MS4A6E: variants seen among roughly 807,000 people sequenced by gnomAD.
The protein encoded by MS4A6E is membrane spanning 4-domains A6E.
In MS4A6E, 8 loss-of-function variants were observed where a neutral mutation model predicts 13.2. That is an observed-to-expected ratio of 0.60 (90% confidence interval 0.35 to 1.09). The LOEUF (loss-of-function observed/expected upper bound fraction) is 1.09. Ranked by LOEUF, MS4A6E falls within the 50% of genes least tolerant of loss-of-function variation. The pLI, the probability that MS4A6E is intolerant of heterozygous loss-of-function variation, is 0.02. For missense variants in MS4A6E, 177 were observed against 171.1 expected (o/e 1.03, Z -0.19); for synonymous variants, 72 against 67.6 (o/e 1.06, Z -0.32).
downstream of MS4A6E, among the ~76,000 whole-genome samples, chr11:60,344,221 A>C (rs1450989748): frequency 6.6e-6 from 1 of 152,234 alleles, no homozygotes; most frequent in Admixed American, 6.5e-5. Flanking sequence ...GAGTTATTTC[A>C]TTAACTAACA....
chr11:60,343,502 A>C (rs1174258729), downstream of MS4A6E, among the ~76,000 whole-genome samples: 1 of 152,158 alleles, frequency 6.6e-6, no homozygotes, highest in African/African-American at 2.4e-5. Context: ...CAATTCCCGG[A>C]AAGGTGGTGT....
At chr11:60,330,011 G>A (rs1231061781) in intron 1 of MS4A6E, among the ~76,000 whole-genome samples, 1 of 147,642 alleles carries the variant, frequency 6.8e-6, no homozygotes, top group Non-Finnish European at 1.5e-5. Flanking sequence ...ATTTTTAGTA[G>A]AGATGGGGTT....
In MS4A6E at chr11:60,337,818, G is replaced by A. The variant is rs892699682; in HGVS notation, c.225G>A (p.Pro75=). Residue 75 remains proline (P), a synonymous_variant, in exon 3 of 5, where the codon CCG becomes CCA. Transcript: ENST00000684409. The part of the protein sequence containing the change: ...LVGFILLSVN[P]AALNPASLQC... Reference sequence around the variant, plus strand: ...GTTTCATTCTCCTGTCTGTCAACCCGGCTGCATTAAATCCTGCCTCATTGC... The same window carrying A: ...GTTTCATTCTCCTGTCTGTCAACCCAGCTGCATTAAATCCTGCCTCATTGC... 1.1e-5 allele frequency: 17 copies of A among 1,614,034 alleles called. No homozygotes were observed. The highest frequency in any genetic ancestry group is 4.4e-5 in the South Asian group (4 of 91,076).
At chr11:60,333,053 C>G (rs1017943290) in intron 1 of MS4A6E, among the ~76,000 whole-genome samples, 2 of 152,228 alleles carry the variant, frequency 1.3e-5, no homozygotes, top group African/African-American at 4.8e-5. Flanking sequence ...AAACTTCTCA[C>G]TTACATATGA....
intron 4 of MS4A6E, among the ~76,000 whole-genome samples, chr11:60,349,038 A>G (rs1239554380): frequency 2.6e-5 from 4 of 152,224 alleles, no homozygotes; most frequent in African/African-American, 9.6e-5. Flanking sequence ...GGGTGGATAA[A>G]AAAGTGCAAT....
rs777008796 is a variant in MS4A6E, at chr11:60,339,924, C to T, written c.413C>T (p.Thr138Ile). 1.4e-5 allele frequency: 22 copies of T among 1,613,880 alleles called. No individual in the cohort carries two copies. In the East Asian group the frequency reaches 2.5e-4, roughly 18 times the overall value. ...TTGGAGTTCTGCCTAGCTGTGCTCA[C>T]TGCTGTGCTGCAGTGGAAACAGACT... Reference protein sequence around the residue: ...TVLEFCLAVLTAVLQWKQTV With the variant: ...TVLEFCLAVLIAVLQWKQTV The change falls in exon 4 of 5, where the codon ACT becomes ATT. Residue 138 changes from threonine to isoleucine, a missense_variant. Coordinates refer to ENST00000684409, the MANE Select transcript of MS4A6E (RefSeq NM_139249.4).
In MS4A6E at chr11:60,330,629, G is replaced by A. The variant is rs539551499; in HGVS notation, c.-15+3221G>A. Among the ~76,000 whole-genome samples the A allele has an allele frequency of 2.0e-4, 30 of 152,144 alleles. No individual in the cohort carries two copies. In the South Asian group the frequency reaches 5.2e-3, roughly 26 times the overall value. ...GCTGGGATTACAGGCATAAGCCACC[G>A]CGCCTGGCCAATTTTGGCTTTTGTT... is the stretch of plus-strand genomic sequence containing the variant. On this transcript the variant is annotated intron_variant, in intron 1 of 4. Coordinates refer to ENST00000684409, the MANE Select transcript of MS4A6E (RefSeq NM_139249.4).
At chr11:60,346,911 G>A (rs999525221) in intron 4 of MS4A6E, among the ~76,000 whole-genome samples, 5 of 152,320 alleles carry the variant, frequency 3.3e-5, no homozygotes, top group East Asian at 1.9e-4. Context: ...CCCTCCATGC[G>A]AGGTCAAACA....
intron 1 of MS4A6E, among the ~76,000 whole-genome samples, chr11:60,328,447 A>G (rs557300222): frequency 6.6e-6 from 1 of 152,196 alleles, no homozygotes; most frequent in Admixed American, 6.5e-5. Flanking sequence ...GATATTTGGA[A>G]GATCTTTGGG....
At chr11:60,348,655 C>A (rs1334682225) in intron 4 of MS4A6E, among the ~76,000 whole-genome samples, 1 of 152,220 alleles carries the variant, frequency 6.6e-6, no homozygotes, top group Non-Finnish European at 1.5e-5. Flanking sequence ...GGGTGTAACC[C>A]TGGCGAGAAA....
At chr11:60,337,715 AT>A (rs780497870) in intron 2 of MS4A6E, 25 bp from the exon 3 acceptor site, 3 of 1,613,634 alleles carry the variant, frequency 1.9e-6, no homozygotes, top group Non-Finnish European at 2.5e-6. Context: ...TTTGGGAATG[AT>A]TCTTACCCAG....
Position 60,340,785 on chromosome 11 carries a change from T to G in MS4A6E, c.*19T>G, listed in dbSNP as rs2085219070. 1 of 204,940 alleles carries G rather than the reference T, an allele frequency of 4.9e-6. No individual in the cohort carries two copies. The highest frequency in any genetic ancestry group is 1.1e-5 in the Non-Finnish European group (1 of 94,376). The allele number at this position is 204,940 out of a possible 1,614,324, so 12.7% of individuals were successfully genotyped here. On this transcript the variant is annotated 3_prime_UTR_variant, in exon 5 of 5. Coordinates refer to ENST00000684409, the MANE Select transcript of MS4A6E (RefSeq NM_139249.4). ...TTTTCCTGCCTCACAGTTACTCATG[T>G]CCTCAAAGACGACTCATGATGCTGG...
Position 60,335,040 on chromosome 11 carries a change from G to A in MS4A6E, c.145G>A (p.Gly49Arg). 6.2e-7 allele frequency: 1 copy of A among 1,614,006 alleles called. No individual in the cohort carries two copies. The highest frequency in any genetic ancestry group is 8.5e-7 in the Non-Finnish European group (1 of 1,179,972). Residue 49 changes from glycine to arginine, a missense_variant and splice_region_variant, in exon 2 of 5, where the codon GGG becomes AGG. Gly to Arg is a moderately radical substitution (Grantham distance 125). Coordinates refer to ENST00000684409, the MANE Select transcript of MS4A6E (RefSeq NM_139249.4). ...TCTACAGGCAAAAGTCAAAGTTATT[G>A]GGGTAAATCTAATTCAGAACATGTT... ...KRLQAKVKVI[G>R]VHSSLAGSIL...
At chr11:60,328,526 TACACACACAC>T (rs35996897) in intron 1 of MS4A6E, among the ~76,000 whole-genome samples, 27 of 145,720 alleles carry the variant, frequency 1.9e-4, no homozygotes, top group African/African-American at 5.3e-4. Flanking sequence ...AACTGTGAGA[TACACACACAC>T]ACACACACAC....
intron 2 of MS4A6E, 73 bp from the exon 3 acceptor site, chr11:60,337,668 T>G: frequency 6.4e-7 from 1 of 1,568,586 alleles, no homozygotes; most frequent in Non-Finnish European, 8.8e-7. Flanking sequence ...TAACTTGCAA[T>G]GTAATGGCAA....
chr11:60,329,824 C>CT (rs35452287), intron 1 of MS4A6E, among the ~76,000 whole-genome samples: 3,362 of 135,114 alleles, frequency 0.025, 66 homozygotes, highest in African/African-American at 0.032. Flanking sequence ...CCTTCACCCA[C>CT]TTTTTTTTTT....
In MS4A6E at chr11:60,337,913, C is replaced by T. The variant is rs1433230461; in HGVS notation, c.320C>T (p.Thr107Ile). Residue 107 changes from threonine (T) to isoleucine (I), a missense_variant, in exon 3 of 5, where the codon ACC becomes ATC. Thr to Ile is a moderately conservative substitution (Grantham distance 89, BLOSUM62 -1). Coordinates refer to ENST00000684409, the MANE Select transcript of MS4A6E (RefSeq NM_139249.4). ...TCTTATGATTATCATTCACCTTACACCATGGACTGCCATAGAGCCAAAGCC... is the reference window on the plus strand; with the variant it reads ...TCTTATGATTATCATTCACCTTACATCATGGACTGCCATAGAGCCAAAGCC... ...LLSYDYHSPY[T>I]MDCHRAKASL... is the part of the protein sequence containing the mutation. 6.2e-7 allele frequency: 1 copy of T among 1,614,194 alleles called. No homozygotes were observed. Among genetic ancestry groups the T allele is most frequent in the Admixed American group, 1.7e-5 (1 of 60,028 alleles).
Position 60,348,446 on chromosome 11 carries a change from G to A in MS4A6E, c.*162+7518G>A, listed in dbSNP as rs572804689. The stretch of plus-strand genomic sequence containing the variant: ...TTGAGCTATATTCCCAGTTTATATG[G>A]CATTTGCTAATCTTTCCTAACAGGA... On this transcript the variant is annotated intron_variant and NMD_transcript_variant, in intron 4 of 4. Coordinates refer to the MS4A6E transcript ENST00000532756. Among the ~76,000 whole-genome samples the A allele has an allele frequency of 5.3e-5, 8 of 152,260 alleles. No individual in the cohort carries two copies. In the South Asian group the frequency reaches 1.7e-3, roughly 32 times the overall value.
At chr11:60,334,732 G>C (rs1395854374) in intron 1 of MS4A6E, 150 bp from the exon 2 acceptor site, 2 of 777,956 alleles carry the variant, frequency 2.6e-6, no homozygotes. Context: ...TACCAAGGTT[G>C]TGTGGCTTTC....
Sources: allele counts gnomAD v4.1 joint callset (sites outside exome capture counted in the v4.1 genomes callset), GRCh38; gene constraint gnomAD v4.1.1; transcripts MANE v1.5; gene names NCBI Gene and HGNC (gene_info 2026-07-23, HGNC 2026-07-21).